The following ZDHHC2 variants were observed in gnomAD, a reference collection of about 807,000 sequenced individuals.
ZDHHC2 encodes the protein palmitoyltransferase ZDHHC2.
ZDHHC2 carries 51 observed loss-of-function variants against 55.6 expected under a neutral mutation model. The ratio of observed to expected loss-of-function variants is 0.92; its 90% CI spans 0.73 to 1.16. ZDHHC2 has a LOEUF of 1.16. Among genes scored for constraint, ZDHHC2 ranks in the 50% most tolerant of loss-of-function variants. The probability of loss-of-function intolerance (pLI) is 0.00; values close to 1 mark genes in which losing one functional copy is unlikely to be tolerated. For synonymous variants in ZDHHC2, 199 were observed against 152.9 expected, an observed-to-expected ratio of 1.30 and a Z score of -2.22; for missense variants, 491 against 442.4, an observed-to-expected ratio of 1.11 and a Z score of -0.99.
intron 6 of ZDHHC2, among the ~76,000 whole-genome samples, chr8:17,203,733 C>G (rs981740045): frequency 5.3e-5 from 8 of 152,316 alleles, no homozygotes; most frequent in African/African-American, 1.4e-4. Flanking sequence ...TTGCATCCCC[C>G]CACTGGAACC....
chr8:17,217,132 A>T (rs566329796), intron 11 of ZDHHC2, 40 bp from the exon 12 acceptor site: 5 of 1,602,900 alleles, frequency 3.1e-6, no homozygotes, highest in East Asian at 4.5e-5. Flanking sequence ...CTATTTGTTC[A>T]AAAGCAACCA....
chr8:17,187,548 A>G (rs1035314237), intron 3 of ZDHHC2, among the ~76,000 whole-genome samples: 1 of 152,144 alleles, frequency 6.6e-6, no homozygotes, highest in Non-Finnish European at 1.5e-5. Context: ...CGCAGAATTA[A>G]TGGTATGCCT....
At chr8:17,203,922 C>T (rs1318717447) in intron 6 of ZDHHC2, among the ~76,000 whole-genome samples, 2 of 151,936 alleles carry the variant, frequency 1.3e-5, no homozygotes, top group African/African-American at 4.8e-5. Context: ...ATTGTCCTGC[C>T]TCGGCCTCCC....
rs773642901 is a variant in ZDHHC2 at position 17,195,569 on chromosome 8, A to G, written c.318A>G (p.Glu106=). The change falls in exon 4 of 13, where the codon GAA becomes GAG. Residue 106 remains glutamate, a synonymous_variant. Transcript: ENST00000262096. ...EREPRGEAHQ[E]VLRRAAKDLP... is the part of the protein sequence containing the mutation. ...AGCCAAGAGGAGAAGCCCATCAGGA[A>G]GTTCTTAGGCGAGCAGCCAAGGATC... The G allele has an allele frequency of 3.4e-5, 55 of 1,613,842 alleles. No individual in the cohort carries two copies. In the African/African-American group the frequency reaches 3.5e-4, roughly 10 times the overall value.
Position 17,195,572 on chromosome 8 carries a change from T to A in ZDHHC2, c.321T>A (p.Val107=). 6.2e-7 allele frequency: 1 copy of A among 1,613,958 alleles called. No individual in the cohort carries two copies. Among genetic ancestry groups the A allele is most frequent in the Non-Finnish European group, 8.5e-7 (1 of 1,179,834 alleles). ...CAAGAGGAGAAGCCCATCAGGAAGT[T>A]CTTAGGCGAGCAGCCAAGGATCTTC... ...REPRGEAHQE[V]LRRAAKDLPI... Residue 107 remains valine, a synonymous_variant, in exon 4 of 13, where the codon GTT becomes GTA. Coordinates refer to ENST00000262096, the MANE Select transcript of ZDHHC2 (RefSeq NM_016353.5).
At chr8:17,167,011 A>T (rs1327915744) in intron 1 of ZDHHC2, among the ~76,000 whole-genome samples, 1 of 152,192 alleles carries the variant, frequency 6.6e-6, no homozygotes, top group African/African-American at 2.4e-5. Flanking sequence ...TTATTATCTG[A>T]AAATAATCTA....
intron 12 of ZDHHC2, among the ~76,000 whole-genome samples, chr8:17,219,148 G>A (rs1310131961): frequency 6.7e-6 from 1 of 150,302 alleles, no homozygotes; most frequent in Non-Finnish European, 1.5e-5. Context: ...TACTCAGGAG[G>A]CTGAGGCAGG....
intron 10 of ZDHHC2, among the ~76,000 whole-genome samples, chr8:17,211,345 A>G (rs547333894): frequency 2.8e-4 from 42 of 152,290 alleles, no homozygotes; most frequent in African/African-American, 1.0e-3. Flanking sequence ...CATACACAGT[A>G]TCCACACCAA....
chr8:17,199,503 T>TTCGTCTTCGTCTTCGTCTTCG (rs1402172161), intron 6 of ZDHHC2, among the ~76,000 whole-genome samples: 71 of 63,214 alleles, frequency 1.1e-3, no homozygotes, highest in African/African-American at 3.1e-3. Flanking sequence ...CTTCTTCTTC[T>TTCGTCTTCGTCTTCGTCTTCG]TCTTCTTCTT....
intron 3 of ZDHHC2, among the ~76,000 whole-genome samples, chr8:17,188,257 A>G (rs1211759805): frequency 6.6e-6 from 1 of 152,002 alleles, no homozygotes; most frequent in Non-Finnish European, 1.5e-5. Flanking sequence ...TTCATCCAAT[A>G]CCCTGAAGCT....
chr8:17,214,387 A>AG (rs1807541291), intron 10 of ZDHHC2, among the ~76,000 whole-genome samples: 1 of 152,232 alleles, frequency 6.6e-6, no homozygotes, highest in Non-Finnish European at 1.5e-5. Flanking sequence ...AGAAGAAGAT[A>AG]GAGAAAATTG....
Position 17,220,607 on chromosome 8 carries a change from A to C in ZDHHC2, c.*386A>C, listed in dbSNP as rs1285155053. The C allele has an allele frequency of 2.0e-5, 3 of 152,200 alleles. No homozygotes were observed. The highest frequency in any genetic ancestry group is 4.4e-5 in the Non-Finnish European group (3 of 68,030). The allele number at this position is 152,200 out of a possible 1,614,324, so 9.4% of individuals were successfully genotyped here. A position where few individuals can be genotyped will look rare whatever the true frequency, so the allele number is the denominator to read the frequency against. ...TTTTCCGAATCTGAAAATTGAGACT[A>C]TTAAGATATTAGGATTTCAGAGATT... is the stretch of plus-strand genomic sequence containing the variant. On this transcript the variant is annotated 3_prime_UTR_variant, in exon 13 of 13. Coordinates refer to ENST00000262096, the MANE Select transcript of ZDHHC2 (RefSeq NM_016353.5).
chr8:17,216,085 G>C (rs1487618364), intron 11 of ZDHHC2, among the ~76,000 whole-genome samples: 2 of 152,156 alleles, frequency 1.3e-5, no homozygotes, highest in Non-Finnish European at 2.9e-5. Flanking sequence ...ATATATGTGT[G>C]TTGTCCACAT....
At chr8:17,199,651 TCCC>T (rs1585713589) in intron 6 of ZDHHC2, among the ~76,000 whole-genome samples, 10 of 96,218 alleles carry the variant, frequency 1.0e-4, no homozygotes, top group East Asian at 2.3e-4. Flanking sequence ...CTCCTCCTCC[TCCC>T]TCCTCCCTCC....
intron 7 of ZDHHC2, among the ~76,000 whole-genome samples, chr8:17,207,190 A>G (rs1807142177): frequency 6.6e-6 from 1 of 152,166 alleles, no homozygotes; most frequent in African/African-American, 2.4e-5. Flanking sequence ...GGGTATTGGA[A>G]TCTCAGGACC....
rs568757827 is a variant in ZDHHC2 at position 17,221,811 on chromosome 8, C to T, written c.*1590C>T. The T allele has an allele frequency of 6.6e-6, 1 of 152,492 alleles. No homozygotes were observed. The highest frequency in any genetic ancestry group is 1.9e-4 in the East Asian group (1 of 5,174). 9.4% of individuals were successfully genotyped at this position (152,492 alleles called of 1,614,324 possible). A position where few individuals can be genotyped will look rare whatever the true frequency, so the allele number is the denominator to read the frequency against. ...AAGAGTTTCATCTGACAATCTGCTT[C>T]AAGAAATCTCAGAAAATATGATAAC... On this transcript the variant is annotated 3_prime_UTR_variant, in exon 13 of 13. Transcript: ENST00000262096.
At chr8:17,197,076 A>T (rs913686963) in intron 4 of ZDHHC2, among the ~76,000 whole-genome samples, 1 of 152,352 alleles carries the variant, frequency 6.6e-6, no homozygotes, top group South Asian at 2.1e-4. Flanking sequence ...ATGTTTAGGT[A>T]TATTTACCCT....
chr8:17,208,181 C>A, intron 8 of ZDHHC2, 89 bp downstream of exon 8: 2 of 1,322,588 alleles, frequency 1.5e-6, no homozygotes, highest in Non-Finnish European at 2.0e-6. Flanking sequence ...TGCCAACTTG[C>A]CCTGAAGTGG....
intron 1 of ZDHHC2, among the ~76,000 whole-genome samples, chr8:17,171,728 G>A (rs1363309811): frequency 1.3e-5 from 2 of 151,690 alleles, no homozygotes; most frequent in Non-Finnish European, 2.9e-5. Flanking sequence ...CAACATGGAT[G>A]AACCTGGAAG....
Sources: gnomAD v4.1 joint callset for allele counts (sites outside exome capture counted in the v4.1 genomes callset) on GRCh38, gnomAD v4.1.1 for gene constraint, MANE v1.5 for transcripts, NCBI Gene and HGNC (gene_info 2026-07-23, HGNC 2026-07-21) for gene names.